Variants in CC2D2A observed in about 807,000 individuals in gnomAD.
CC2D2A encodes the protein coiled-coil and C2 domain-containing protein 2A.
Under a neutral mutation model 212.9 loss-of-function variants are expected in CC2D2A, and 155 were observed. The observed-to-expected ratio is 0.73, with a 90% CI of 0.64 to 0.83. The LOEUF (loss-of-function observed/expected upper bound fraction) is 0.83. Ranked by LOEUF, CC2D2A falls within the 40% of genes least tolerant of loss-of-function variation. The pLI is 0.00. For synonymous variants in CC2D2A, 667 were observed against 686.5 expected, an observed-to-expected ratio of 0.97 and a Z score of 0.44; for missense variants, 1,856 against 1,956.2, an observed-to-expected ratio of 0.95 and a Z score of 0.97.
intron 4 of CC2D2A, among the ~76,000 whole-genome samples, chr4:15,498,574 G>A (rs1715745867): frequency 6.6e-6 from 1 of 152,176 alleles, no homozygotes; most frequent in South Asian, 2.1e-4. Context: ...GATTAGTAAT[G>A]GAGTGGAGCA....
At chr4:15,473,117 C>T (rs570301798) in intron 1 of CC2D2A, 2 of 152,294 alleles carry the variant, frequency 1.3e-5, no homozygotes, top group East Asian at 1.9e-4. Context: ...AAGTCAGTGA[C>T]TTAATCATTC....
At chr4:15,575,797 T>G (rs1211153802) in intron 29 of CC2D2A, among the ~76,000 whole-genome samples, 2 of 152,264 alleles carry the variant, frequency 1.3e-5, no homozygotes, top group Admixed American at 6.5e-5. Context: ...CCAATAAACA[T>G]GTTTACACAC....
rs1226753536 is a variant in CC2D2A at position 15,550,917 on chromosome 4, A to C, written c.2275A>C (p.Thr759Pro). The C allele has an allele frequency of 6.2e-7, 1 of 1,609,736 alleles. No homozygotes were observed. Among genetic ancestry groups the C allele is most frequent in the Non-Finnish European group, 8.5e-7 (1 of 1,176,528 alleles). ...TACTGTTGTCACTGGAAGGGCTCCT[A>C]CTGAAGAAGTGGAGTTTAGCAGTAA... ...ETTVVTGRAPTEEVEFSSNQH... is the reference protein window; with the variant it reads ...ETTVVTGRAPPEEVEFSSNQH... Residue 759 changes from threonine to proline, a missense_variant, in exon 18 of 37, where the codon ACT (threonine) becomes CCT (proline). Thr to Pro is a conservative substitution (Grantham distance 38). Transcript: ENST00000424120.
chr4:15,521,597 T>C (rs1467301854), intron 11 of CC2D2A, among the ~76,000 whole-genome samples: 2 of 152,210 alleles, frequency 1.3e-5, no homozygotes, highest in South Asian at 2.1e-4. Flanking sequence ...CAGGCGAAGA[T>C]TGTTTTGCTC....
chr4:15,514,852 T>C lies in CC2D2A; in HGVS notation c.863T>C (p.Ile288Thr). 2 of 1,613,924 alleles carry C rather than the reference T, an allele frequency of 1.2e-6. No individual in the cohort carries two copies. The highest frequency in any genetic ancestry group is 1.7e-6 in the Non-Finnish European group (2 of 1,179,790). ...RLQMEREMLFIPSRQTVPTYK... is the reference protein window; with the variant it reads ...RLQMEREMLFTPSRQTVPTYK... ...CAGATGGAAAGAGAAATGCTCTTCA[T>C]ACCCAGTAGGCAGACAGGTACTTGC... The change falls in exon 9 of 37, where the codon ATA (isoleucine) becomes ACA (threonine). Residue 288 changes from isoleucine to threonine, a missense_variant. Physicochemically the swap from Ile to Thr is moderately conservative, Grantham distance 89. This residue lies in a region of CC2D2A where 1,512 missense variants were observed against 1,579.3 expected (regional missense o/e 0.96). Transcript: ENST00000424120.
At chr4:15,549,163 T>C (rs1351040208) in intron 17 of CC2D2A, among the ~76,000 whole-genome samples, 4 of 152,176 alleles carry the variant, frequency 2.6e-5, no homozygotes, top group African/African-American at 7.2e-5. Flanking sequence ...ATAGTGATCA[T>C]TGAAGCTGGG....
intron 17 of CC2D2A, among the ~76,000 whole-genome samples, chr4:15,550,285 A>G (rs1026026147): frequency 3.3e-5 from 5 of 152,196 alleles, no homozygotes; most frequent in African/African-American, 1.2e-4. Context: ...TCTGAGAAAA[A>G]TCTGGAGTTT....
chr4:15,515,847 A>G (rs919628944), intron 9 of CC2D2A, 21 bp from the exon 10 acceptor site: 12 of 1,544,058 alleles, frequency 7.8e-6, no homozygotes, highest in African/African-American at 2.8e-5. Flanking sequence ...TGTTTATTTT[A>G]TTTATTTATA....
intron 33 of CC2D2A, among the ~76,000 whole-genome samples, chr4:15,591,708 A>G (rs148211655): frequency 0.014 from 2,127 of 152,302 alleles, 47 homozygotes; most frequent in African/African-American, 0.048. Flanking sequence ...CATTATAATG[A>G]AAAGTGATCT....
chr4:15,549,603 G>A (rs1340183912), intron 17 of CC2D2A, among the ~76,000 whole-genome samples: 1 of 152,214 alleles, frequency 6.6e-6, no homozygotes, highest in Non-Finnish European at 1.5e-5. Flanking sequence ...AGGAGTTTGA[G>A]ACCAGCCTGG....
chr4:15,490,403 T>C (rs1715231670), intron 4 of CC2D2A, among the ~76,000 whole-genome samples: 1 of 152,238 alleles, frequency 6.6e-6, no homozygotes, highest in East Asian at 1.9e-4. Context: ...TATGTAGTGA[T>C]TTGCACCTGA....
intron 4 of CC2D2A, among the ~76,000 whole-genome samples, chr4:15,491,504 A>C (rs1715302319): frequency 6.6e-6 from 1 of 152,196 alleles, no homozygotes; most frequent in African/African-American, 2.4e-5. Context: ...TCCTGGGCTC[A>C]TGTGATTCAC....
intron 17 of CC2D2A, among the ~76,000 whole-genome samples, chr4:15,547,856 A>G (rs1718790860): frequency 6.6e-6 from 1 of 152,176 alleles, no homozygotes; most frequent in African/African-American, 2.4e-5. Context: ...TCTGGCCAAC[A>G]TGCAGAAACC....
At chr4:15,564,713 C>G (rs1173461334) in intron 24 of CC2D2A, among the ~76,000 whole-genome samples, 6 of 151,536 alleles carry the variant, frequency 4.0e-5, no homozygotes, top group Non-Finnish European at 7.4e-5. Flanking sequence ...GGGTCTCACT[C>G]TGTTGCCCAG....
chr4:15,549,718 G>A lies in CC2D2A; in HGVS notation c.2182-1106G>A, dbSNP rs1042745689. On this transcript the variant is annotated intron_variant, in intron 17 of 36. Transcript: ENST00000424120. Reference sequence around the variant, plus strand: ...CTTGCGGGGCTGGGGCAGGAGAATCGCTTGAACCCAGGAGGCAGAGGTTGC... The same window carrying A: ...CTTGCGGGGCTGGGGCAGGAGAATCACTTGAACCCAGGAGGCAGAGGTTGC... Among the ~76,000 whole-genome samples, 6 of 152,080 alleles carry A rather than the reference G, an allele frequency of 3.9e-5. No individual in the cohort carries two copies. In the East Asian group the frequency reaches 5.8e-4, roughly 15 times the overall value.
chr4:15,531,825 T>C (rs943403302), intron 13 of CC2D2A, among the ~76,000 whole-genome samples: 4 of 152,180 alleles, frequency 2.6e-5, no homozygotes, highest in Admixed American at 1.3e-4. Context: ...GAAGATGTCA[T>C]GTAACTCAGT....
chr4:15,486,936 A>C (rs1333353841), intron 4 of CC2D2A, among the ~76,000 whole-genome samples: 1 of 151,570 alleles, frequency 6.6e-6, no homozygotes, highest in Non-Finnish European at 1.5e-5. Context: ...TTTAATTTTT[A>C]TGAATTTGTA....
intron 9 of CC2D2A, among the ~76,000 whole-genome samples, chr4:15,515,162 T>A (rs1368958902): frequency 6.6e-6 from 1 of 152,228 alleles, no homozygotes; most frequent in Non-Finnish European, 1.5e-5. Context: ...TTCTTTCTTC[T>A]TAAGTTTATC....
At chr4:15,555,283 C>A in intron 20 of CC2D2A, 73 bp downstream of exon 20, 1 of 1,543,968 alleles carries the variant, frequency 6.5e-7, no homozygotes, top group South Asian at 1.2e-5. Context: ...ACTATCTTCT[C>A]CTATGCAATA....
Sources: gnomAD v4.1 joint callset for allele counts (sites outside exome capture counted in the v4.1 genomes callset) on GRCh38, gnomAD v4.1.1 for gene constraint, gnomAD v4.1.1 regional missense constraint, MANE v1.5 for transcripts, NCBI Gene and HGNC (gene_info 2026-07-23, HGNC 2026-07-21) for gene names.